The following LEPROTL1 variants were observed in gnomAD, a reference collection of about 807,000 sequenced individuals.
LEPROTL1 encodes the protein leptin receptor overlapping transcript like 1, also known as leptin receptor overlapping transcript-like 1.
In LEPROTL1, 6 loss-of-function variants were observed where a neutral mutation model predicts 15.4. The observed-to-expected ratio is 0.39, with a 90% CI of 0.21 to 0.77. LEPROTL1 has a LOEUF of 0.77. LEPROTL1 is among the 30% of genes least tolerant of loss of function. The probability of loss-of-function intolerance (pLI) is 0.41; values close to 1 mark genes in which losing one functional copy is unlikely to be tolerated. For synonymous variants in LEPROTL1, 56 were observed against 52.6 expected (o/e 1.06, Z -0.28); for missense variants, 128 against 158.1 (o/e 0.81, Z 1.02).
At chr8:30,097,120 G>C (rs1432850098) in intron 1 of LEPROTL1, among the ~76,000 whole-genome samples, 2 of 152,182 alleles carry the variant, frequency 1.3e-5, no homozygotes, top group Non-Finnish European at 2.9e-5. Context: ...ACTTATCTAA[G>C]CTTTGTCTTC....
intron 1 of LEPROTL1, chr8:30,096,531 C>G: frequency 3.7e-6 from 1 of 268,698 alleles, no homozygotes; most frequent in Non-Finnish European, 5.7e-6. Flanking sequence ...TTTTCAATGT[C>G]TGAAAACATT....
chr8:30,125,028 G>T (rs1434471810), intron 3 of LEPROTL1, among the ~76,000 whole-genome samples: 3 of 152,208 alleles, frequency 2.0e-5, no homozygotes, highest in Non-Finnish European at 4.4e-5. Flanking sequence ...AACATATCCA[G>T]ATTGGCCATG....
rs1802561893 is a variant in LEPROTL1, at chr8:30,106,111, C to CT, written c.*250dup. On this transcript the variant is annotated 3_prime_UTR_variant, in exon 4 of 4. Coordinates refer to ENST00000321250, the MANE Select transcript of LEPROTL1 (RefSeq NM_015344.3). Reference sequence around the variant, plus strand: ...TCTATAGTATGCTTTTTGTGGTGTCCTGCTGAATTTAAATATTTATGTGTT... The same window carrying CT: ...TCTATAGTATGCTTTTTGTGGTGTCCTTGCTGAATTTAAATATTTATGTGTT... The CT allele has an allele frequency of 9.7e-7, 1 of 1,029,310 alleles. No individual in the cohort carries two copies. Among genetic ancestry groups the CT allele is most frequent in the Non-Finnish European group, 1.2e-6 (1 of 858,314 alleles). 63.8% of individuals were successfully genotyped at this position (1,029,310 alleles called of 1,614,324 possible). A position where few individuals can be genotyped will look rare whatever the true frequency, so the allele number is the denominator to read the frequency against.
In LEPROTL1 at chr8:30,115,694, TA is replaced by T. The variant is rs370500813; in HGVS notation, c.279+11213del. Reference sequence around the variant, plus strand: ...AATATATAAACAGGCAATTTCTGAATAAAAACCTGTAAGTGGCAAATAAAGA... The same window carrying T: ...AATATATAAACAGGCAATTTCTGAATAAAACCTGTAAGTGGCAAATAAAGA... On this transcript the variant is annotated intron_variant, in intron 3 of 4. Coordinates refer to the LEPROTL1 transcript ENST00000442880. Among the ~76,000 whole-genome samples the T allele has an allele frequency of 3.1e-3, 473 of 151,960 alleles. 7 individuals carry two copies. Among genetic ancestry groups the T allele is most frequent in the African/African-American group, 0.011 (461 of 41,452 alleles).
intron 3 of LEPROTL1, among the ~76,000 whole-genome samples, chr8:30,118,941 T>C (rs949116111): frequency 3.3e-5 from 5 of 152,174 alleles, no homozygotes; most frequent in African/African-American, 4.8e-5. Flanking sequence ...CCTTCCTCTT[T>C]TACTAATCCT....
At chr8:30,099,313 G>A (rs1296674653) in intron 1 of LEPROTL1, among the ~76,000 whole-genome samples, 3 of 152,084 alleles carry the variant, frequency 2.0e-5, no homozygotes, top group Non-Finnish European at 4.4e-5. Flanking sequence ...CTTCACTGAG[G>A]CCAGGTGCAG....
intron 3 of LEPROTL1, among the ~76,000 whole-genome samples, chr8:30,127,890 G>T (rs1054564263): frequency 6.6e-6 from 1 of 151,962 alleles, no homozygotes; most frequent in Non-Finnish European, 1.5e-5. Flanking sequence ...TAAAAAGAGC[G>T]GGTGGGGTGT....
At chr8:30,118,301 C>T (rs1005679698) in intron 3 of LEPROTL1, among the ~76,000 whole-genome samples, 1 of 152,062 alleles carries the variant, frequency 6.6e-6, no homozygotes, top group African/African-American at 2.4e-5. Context: ...AGGTGTGAGC[C>T]ACCATGCCTG....
At chr8:30,097,698 T>TACACACACACACACACAC (rs71204262) in intron 1 of LEPROTL1, among the ~76,000 whole-genome samples, 7 of 108,794 alleles carry the variant, frequency 6.4e-5, no homozygotes, top group African/African-American at 2.1e-4. Flanking sequence ...TATATATATA[T>TACACACACACACACACAC]ACACACACAC....
chr8:30,137,935 T>C, downstream of LEPROTL1: 1 of 212,008 alleles, frequency 4.7e-6, no homozygotes, highest in Non-Finnish European at 9.7e-6. Context: ...ACATCAGTGC[T>C]TGAGATGTTT....
intron 3 of LEPROTL1, chr8:30,117,863 A>G: frequency 1.7e-6 from 1 of 599,564 alleles, no homozygotes; most frequent in Non-Finnish European, 2.9e-6. Flanking sequence ...TTAGCAGAAG[A>G]TTGATTAAAT....
intron 4 of LEPROTL1, chr8:30,132,577 A>G: frequency 6.4e-7 from 1 of 1,551,488 alleles, no homozygotes; most frequent in Non-Finnish European, 8.7e-7. Flanking sequence ...TGCATCCACC[A>G]CCCTGCTCAC....
intron 3 of LEPROTL1, chr8:30,117,442 T>G (rs1401421901): frequency 6.5e-7 from 1 of 1,536,462 alleles, no homozygotes; most frequent in African/African-American, 1.4e-5. Flanking sequence ...TTCTTCATGG[T>G]CCATGATGCC....
intron 3 of LEPROTL1, among the ~76,000 whole-genome samples, chr8:30,131,611 A>G (rs1398192151): frequency 6.6e-6 from 1 of 152,102 alleles, no homozygotes; most frequent in Non-Finnish European, 1.5e-5. Flanking sequence ...TGAACATTCA[A>G]TTTTGGGGTG....
intron 4 of LEPROTL1, among the ~76,000 whole-genome samples, chr8:30,135,415 A>G (rs1481250715): frequency 6.6e-6 from 1 of 152,214 alleles, no homozygotes; most frequent in Non-Finnish European, 1.5e-5. Context: ...GGTAGTGAAG[A>G]AAAGATAGGA....
At chr8:30,096,942 A>T (rs1802376134) in intron 1 of LEPROTL1, among the ~76,000 whole-genome samples, 2 of 152,162 alleles carry the variant, frequency 1.3e-5, no homozygotes, top group Non-Finnish European at 2.9e-5. Flanking sequence ...TTTGTCTATT[A>T]CTTTTTGATA....
In LEPROTL1 at chr8:30,095,450, C is replaced by G. The variant is rs916022441; in HGVS notation, c.-63C>G. 1.4e-6 allele frequency: 2 copies of G among 1,454,768 alleles called. No individual in the cohort carries two copies. The highest frequency in any genetic ancestry group is 1.8e-6 in the Non-Finnish European group (2 of 1,105,334). 90.1% of individuals were successfully genotyped at this position (1,454,768 alleles called of 1,614,324 possible). On this transcript the variant is annotated 5_prime_UTR_variant, in exon 1 of 4. Coordinates refer to ENST00000321250, the MANE Select transcript of LEPROTL1 (RefSeq NM_015344.3). ...CTGGCCGCCGTAGCGCGTCTTGGGT[C>G]TCCCGGCTGCCGCTGCTGCCGCCGC...
intron 1 of LEPROTL1, among the ~76,000 whole-genome samples, chr8:30,099,624 AAC>A (rs1174008187): frequency 3.2e-5 from 4 of 125,954 alleles, no homozygotes; most frequent in Admixed American, 8.2e-5. Context: ...AAAAAAAAAA[AAC>A]CAGCAAAAAA....
chr8:30,099,599 TAAAAAAAAAAAAA>T lies in LEPROTL1; in HGVS notation c.17-2285_17-2273del, dbSNP rs71204264. 7.6e-4 allele frequency among the ~76,000 whole-genome samples: 86 copies of T among 112,458 alleles called. 1 individual carries two copies. The highest frequency in any genetic ancestry group is 2.9e-3 in the African/African-American group (81 of 27,724). The allele number at this position is 112,458 out of a possible 152,430, so 73.8% of individuals were successfully genotyped here. On this transcript the variant is annotated intron_variant, in intron 1 of 3. Coordinates refer to ENST00000321250, the MANE Select transcript of LEPROTL1 (RefSeq NM_015344.3). ...CCTGGCGACAGCGCAAGACTCCATT[TAAAAAAAAAAAAA>T]AAAAAAAAAAAAACCAGCAAAAAAA... is the stretch of plus-strand genomic sequence containing the variant.
Sources: allele counts gnomAD v4.1 joint callset (sites outside exome capture counted in the v4.1 genomes callset), GRCh38; gene constraint gnomAD v4.1.1; transcripts MANE v1.5; gene names NCBI Gene and HGNC (gene_info 2026-07-23, HGNC 2026-07-21).